The following BIVM variants were observed in gnomAD, a reference collection of about 807,000 sequenced individuals.
The protein encoded by BIVM is basic, immunoglobulin-like variable motif containing.
Under a neutral mutation model 61.4 loss-of-function variants are expected in BIVM, and 31 were observed. The observed-to-expected ratio is 0.51, with a 90% CI of 0.38 to 0.68. The LOEUF is 0.68. BIVM is among the 30% of genes least tolerant of loss of function. The pLI, the probability that BIVM is intolerant of heterozygous loss-of-function variation, is 0.00. For synonymous variants in BIVM, 189 were observed against 210.7 expected, an observed-to-expected ratio of 0.90 and a Z score of 0.89; for missense variants, 526 against 596.0, an observed-to-expected ratio of 0.88 and a Z score of 1.22.
In BIVM at chr13:102,822,106, G is replaced by T; in HGVS notation, c.848G>T (p.Cys283Phe). 6.2e-7 allele frequency: 1 copy of T among 1,613,972 alleles called. No homozygotes were observed. The highest frequency in any genetic ancestry group is 1.3e-5 in the African/African-American group (1 of 75,046). Residue 283 changes from cysteine (C) to phenylalanine (F), a missense_variant, in exon 7 of 11, where the codon TGC (cysteine) becomes TTC (phenylalanine). Coordinates refer to ENST00000257336, the MANE Select transcript of BIVM (RefSeq NM_017693.4). Reference sequence around the variant, plus strand: ...AATGACCACTTCCATGTAAAAGGATGCTCTTATGTTCTATATAAGCCTCAT... The same window carrying T: ...AATGACCACTTCCATGTAAAAGGATTCTCTTATGTTCTATATAAGCCTCAT... ...QINDHFHVKGCSYVLYKPHGK... is the reference protein window; with the variant it reads ...QINDHFHVKGFSYVLYKPHGK...
chr13:102,800,288 A>T (rs1878661126), intron 1 of BIVM: 1 of 152,186 alleles, frequency 6.6e-6, no homozygotes, highest in African/African-American at 2.4e-5. Context: ...GCCCGGGGCA[A>T]GCATGTTCGA....
intron 1 of BIVM, among the ~76,000 whole-genome samples, chr13:102,802,149 A>C (rs1878788735): frequency 6.6e-6 from 1 of 152,218 alleles, no homozygotes; most frequent in South Asian, 2.1e-4. Context: ...CACTGGGAAT[A>C]GTTTATAAAT....
At chr13:102,814,298 C>T (rs1214220182) in intron 3 of BIVM, among the ~76,000 whole-genome samples, 1 of 152,108 alleles carries the variant, frequency 6.6e-6, no homozygotes, top group African/African-American at 2.4e-5. Context: ...GGCTTCTTTC[C>T]CTCAAGTCAA....
intron 7 of BIVM, among the ~76,000 whole-genome samples, chr13:102,825,028 C>T (rs921946038): frequency 1.2e-4 from 19 of 152,040 alleles, no homozygotes; most frequent in African/African-American, 4.3e-4. Flanking sequence ...CTGCAAGCTC[C>T]ACCTGCTGGG....
chr13:102,808,925 A>AT (rs1005284214), intron 3 of BIVM, among the ~76,000 whole-genome samples: 17 of 151,868 alleles, frequency 1.1e-4, no homozygotes, highest in East Asian at 9.7e-4. Flanking sequence ...TATTTTCTCT[A>AT]TTTTTTTTAA....
intron 3 of BIVM, among the ~76,000 whole-genome samples, chr13:102,815,493 TA>T (rs1352528855): frequency 1.3e-5 from 2 of 152,202 alleles, no homozygotes; most frequent in African/African-American, 2.4e-5. Flanking sequence ...ACTAACGATT[TA>T]GAAATAAAAC....
intron 4 of BIVM, among the ~76,000 whole-genome samples, chr13:102,818,846 C>T (rs1880049216): frequency 6.6e-6 from 1 of 152,160 alleles, no homozygotes; most frequent in Admixed American, 6.6e-5. Flanking sequence ...CTTTCCCTCT[C>T]CTTTTTAAAA....
chr13:102,820,104 C>T (rs984542413), intron 4 of BIVM, among the ~76,000 whole-genome samples: 1 of 152,054 alleles, frequency 6.6e-6, no homozygotes, highest in African/African-American at 2.4e-5. Context: ...GTCTGTAATC[C>T]AGCACTTTGG....
Position 102,807,948 on chromosome 13 carries a change from C to T in BIVM, c.478+203C>T, listed in dbSNP as rs1879211977. Among the ~76,000 whole-genome samples the T allele has an allele frequency of 6.6e-6, 1 of 151,950 alleles. No individual in the cohort carries two copies. The highest frequency in any genetic ancestry group is 1.5e-5 in the Non-Finnish European group (1 of 68,020). On this transcript the variant is annotated intron_variant, in intron 3 of 10. Transcript: ENST00000257336. This position sits in a 1 kb window ranked among gnomAD's most constrained non-coding sequence, Gnocchi z 4.0. ...ATTGCGGGGCTTCCACTGGAAACTT[C>T]AAGCATAAGCTTTGTATCAAATATT...
At chr13:102,822,208 C>CACACACAT (rs773777490) in intron 7 of BIVM, 49 bp downstream of exon 7, 4 of 1,508,302 alleles carry the variant, frequency 2.7e-6, no homozygotes, top group Non-Finnish European at 3.7e-6. Context: ...CACATGCACA[C>CACACACAT]ACACACATAC....
chr13:102,835,836 A>C (rs1881434199), intron 9 of BIVM, among the ~76,000 whole-genome samples: 1 of 152,118 alleles, frequency 6.6e-6, no homozygotes, highest in African/African-American at 2.4e-5. Flanking sequence ...CCTGGCTGGG[A>C]TTTGCCTGTT....
intron 1 of BIVM, among the ~76,000 whole-genome samples, chr13:102,800,017 G>A (rs1446613264): frequency 3.3e-5 from 5 of 152,170 alleles, no homozygotes. Context: ...GGTCAGCTTG[G>A]CAGTCGGACC....
chr13:102,809,537 T>C (rs1168572561), intron 3 of BIVM, among the ~76,000 whole-genome samples: 1 of 152,238 alleles, frequency 6.6e-6, no homozygotes, highest in Admixed American at 6.5e-5. Flanking sequence ...ACATCTTTTG[T>C]GTCTCCGCTT....
At chr13:102,810,075 T>A (rs1879396941) in intron 3 of BIVM, among the ~76,000 whole-genome samples, 1 of 152,174 alleles carries the variant, frequency 6.6e-6, no homozygotes, top group African/African-American at 2.4e-5. Flanking sequence ...GCCCAGCCCT[T>A]CTTTTCATCT....
intron 3 of BIVM, among the ~76,000 whole-genome samples, chr13:102,810,824 G>T (rs1192712915): frequency 6.6e-6 from 1 of 152,160 alleles, no homozygotes; most frequent in African/African-American, 2.4e-5. Flanking sequence ...TTGACCTCAG[G>T]CTTAAGCAAT....
chr13:102,837,335 G>A (rs1327797892), intron 9 of BIVM, among the ~76,000 whole-genome samples: 1 of 151,950 alleles, frequency 6.6e-6, no homozygotes, highest in East Asian at 1.9e-4. Flanking sequence ...ATAACAACAT[G>A]GACTATATCT....
At chr13:102,800,132 G>C (rs1487686340) in intron 1 of BIVM, among the ~76,000 whole-genome samples, 1 of 152,230 alleles carries the variant, frequency 6.6e-6, no homozygotes, top group Non-Finnish European at 1.5e-5. Flanking sequence ...CCAGGAAAGG[G>C]GGTTTCTTTC....
intron 4 of BIVM, among the ~76,000 whole-genome samples, chr13:102,817,597 G>A (rs150637183): frequency 6.6e-6 from 1 of 151,978 alleles, no homozygotes; most frequent in African/African-American, 2.4e-5. Context: ...TTTACCTTAT[G>A]GTTTTAGCCA....
chr13:102,803,525 C>T (rs1283794191), intron 1 of BIVM, among the ~76,000 whole-genome samples: 3 of 152,038 alleles, frequency 2.0e-5, no homozygotes, highest in Admixed American at 1.3e-4. Flanking sequence ...CAAATCCCTA[C>T]ACTGTCACAC....
Sources: allele counts gnomAD v4.1 joint callset (sites outside exome capture counted in the v4.1 genomes callset), GRCh38; gene constraint gnomAD v4.1.1; non-coding constraint Gnocchi (gnomAD v3.1); transcripts MANE v1.5; gene names NCBI Gene and HGNC (gene_info 2026-07-23, HGNC 2026-07-21).